Variants in KPNB1 observed in about 807,000 individuals in gnomAD.
KPNB1 encodes karyopherin subunit beta 1, also known as importin subunit beta-1.
KPNB1 carries 7 observed loss-of-function variants against 113.0 expected under a neutral mutation model. That is an observed-to-expected ratio of 0.06 (90% CI 0.04 to 0.12). The LOEUF (loss-of-function observed/expected upper bound fraction) is 0.12. Among genes scored for constraint, KPNB1 ranks in the 10% least tolerant of loss-of-function variants. The probability of loss-of-function intolerance (pLI) is 1.00; values close to 1 mark genes in which losing one functional copy is unlikely to be tolerated. For synonymous variants in KPNB1, 363 were observed against 378.6 expected (o/e 0.96, Z 0.48); for missense variants, 400 against 1,054.8 (o/e 0.38, Z 8.60).
chr17:47,665,432 A>C (rs1318919308), intron 9 of KPNB1, among the ~76,000 whole-genome samples: 1 of 152,200 alleles, frequency 6.6e-6, no homozygotes, highest in Non-Finnish European at 1.5e-5. Context: ...AAACTCATAA[A>C]AGAAAGGTGC....
chr17:47,657,397 A>G (rs1339405521), intron 4 of KPNB1, among the ~76,000 whole-genome samples: 1 of 152,172 alleles, frequency 6.6e-6, no homozygotes. Context: ...GTTGTGGCGC[A>G]TTTTCATTTA....
At position 47,668,204 on chromosome 17, in the gene KPNB1, G is replaced by A. The variant is rs1209595328; in HGVS notation, c.1018G>A (p.Asp340Asn). The change falls in exon 10 of 22, where the codon GAT becomes AAT. Residue 340 changes from aspartate to asparagine, a missense_variant. Transcript: ENST00000290158. ...LTKQDENDDDDDWNPCKAAGV... is the reference protein window; with the variant it reads ...LTKQDENDDDNDWNPCKAAGV... ...TCACCAGGACGAAAATGATGATGAC[G>A]ATGACTGGAACCCCTGCAAAGCAGC... 1.9e-6 allele frequency: 3 copies of A among 1,613,444 alleles called. No homozygotes were observed. Among genetic ancestry groups the A allele is most frequent in the Non-Finnish European group, 2.5e-6 (3 of 1,179,584 alleles).
chr17:47,663,241 C>T (rs1054071805), intron 7 of KPNB1, 63 bp downstream of exon 7: 74 of 856,448 alleles, frequency 8.6e-5, no homozygotes, highest in Middle Eastern at 2.2e-4. Flanking sequence ...CATCCTTAGT[C>T]GCTATTTTGC....
intron 2 of KPNB1, 143 bp downstream of exon 2, chr17:47,650,587 C>G (rs1915525874): frequency 4.0e-6 from 3 of 754,480 alleles, no homozygotes; most frequent in Admixed American, 4.6e-5. Flanking sequence ...CCCCCCAACC[C>G]GGTCCAACCT....
chr17:47,658,805 T>C, intron 5 of KPNB1, 145 bp downstream of exon 5: 3 of 670,316 alleles, frequency 4.5e-6, no homozygotes, highest in East Asian at 2.7e-5. Flanking sequence ...GTCGAGTTCG[T>C]ATTGTGTGAG....
At position 47,658,584 on chromosome 17, in the gene KPNB1, G is replaced by A. The variant is rs2029978261; in HGVS notation, c.560G>A (p.Ser187Asn). 1 of 1,613,964 alleles carries A rather than the reference G, an allele frequency of 6.2e-7. No individual in the cohort carries two copies. Among genetic ancestry groups the A allele is most frequent in the Non-Finnish European group, 8.5e-7 (1 of 1,180,010 alleles). Residue 187 changes from serine to asparagine, a missense_variant, in exon 5 of 22, where the codon AGT becomes AAT. Physicochemically the swap from Ser to Asn is conservative, Grantham distance 46 (BLOSUM62 1). This residue lies in a region of KPNB1 where 285 missense variants were observed against 627.0 expected (regional missense o/e 0.45). Transcript: ENST00000290158. ...IIQGMRKEEP[S>N]NNVKLAATNA... ...CAGGGGATGAGGAAAGAAGAGCCTA[G>A]TAATAATGTGAAGCTAGCTGCTACG...
At chr17:47,661,216 T>A in intron 6 of KPNB1, 38 bp downstream of exon 6, 1 of 1,465,972 alleles carries the variant, frequency 6.8e-7, no homozygotes, top group South Asian at 1.1e-5. Flanking sequence ...GTCTTACATC[T>A]TTCTTAGGAA....
At chr17:47,657,611 G>A (rs915553486) in intron 4 of KPNB1, among the ~76,000 whole-genome samples, 2 of 152,168 alleles carry the variant, frequency 1.3e-5, no homozygotes, top group Admixed American at 6.5e-5. Context: ...CCTAGGTGTC[G>A]ATCCTTGGCC....
At chr17:47,656,777 A>T in intron 3 of KPNB1, 83 bp from the exon 4 acceptor site, 4 of 1,311,294 alleles carry the variant, frequency 3.1e-6, no homozygotes, top group Non-Finnish European at 3.3e-6. Context: ...GAATTCAGAG[A>T]CACTAATATA....
intron 3 of KPNB1, 76 bp downstream of exon 3, chr17:47,652,952 A>G: frequency 1.7e-6 from 2 of 1,152,898 alleles, no homozygotes; most frequent in Non-Finnish European, 2.5e-6. Context: ...TGCTATTTGC[A>G]TGGGATAGAG....
At chr17:47,651,278 C>T (rs1210095600) in intron 2 of KPNB1, 2 of 985,128 alleles carry the variant, frequency 2.0e-6, no homozygotes, top group Non-Finnish European at 2.4e-6. Context: ...TTGGTTGAAA[C>T]AGCCTAGATG....
intron 21 of KPNB1, among the ~76,000 whole-genome samples, chr17:47,681,049 GTT>G (rs112270020): frequency 0.097 from 13,022 of 133,902 alleles, 589 homozygotes; most frequent in Middle Eastern, 0.21. Flanking sequence ...AAAGTCAAAT[GTT>G]TTTTTGTGTG....
Position 47,683,785 on chromosome 17 carries a change from A to G in KPNB1, c.*1381A>G, listed in dbSNP as rs2030868183. 6.6e-6 allele frequency: 1 copy of G among 152,582 alleles called. No individual in the cohort carries two copies. The highest frequency in any genetic ancestry group is 1.5e-5 in the Non-Finnish European group (1 of 68,026). 9.5% of individuals were successfully genotyped at this position (152,582 alleles called of 1,614,324 possible). On this transcript the variant is annotated 3_prime_UTR_variant, in exon 22 of 22. Coordinates refer to ENST00000290158, the MANE Select transcript of KPNB1 (RefSeq NM_002265.6). ...ACTAACTAGAAGTCTTGTGATGAAA[A>G]TGGCACTTGGAAAAGGTTTTATTTT...
chr17:47,652,329 TC>T (rs1915604034), intron 2 of KPNB1, among the ~76,000 whole-genome samples: 1 of 152,216 alleles, frequency 6.6e-6, no homozygotes. Flanking sequence ...TATTAAAAGT[TC>T]TTGGGACACC....
At position 47,652,790 on chromosome 17, in the gene KPNB1, A is replaced by G; in HGVS notation, c.196A>G (p.Thr66Ala). The G allele has an allele frequency of 6.2e-7, 1 of 1,612,792 alleles. No homozygotes were observed. Among genetic ancestry groups the G allele is most frequent in the African/African-American group, 1.3e-5 (1 of 74,994 alleles). Reference protein sequence around the residue: ...AAGLQIKNSLTSKDPDIKAQY... With the variant: ...AAGLQIKNSLASKDPDIKAQY... ...TGGTCTACAAATCAAGAACTCTTTGACATCTAAAGATCCAGATATCAAGGC... is the reference window on the plus strand; with the variant it reads ...TGGTCTACAAATCAAGAACTCTTTGGCATCTAAAGATCCAGATATCAAGGC... The change falls in exon 3 of 22, where the codon ACA becomes GCA. Residue 66 changes from threonine to alanine, a missense_variant. This residue lies in a region of KPNB1 where 285 missense variants were observed against 627.0 expected (regional missense o/e 0.45). Transcript: ENST00000290158.
At chr17:47,678,246 T>C in intron 18 of KPNB1, 57 bp downstream of exon 18, 2 of 1,611,466 alleles carry the variant, frequency 1.2e-6, no homozygotes, top group Non-Finnish European at 1.7e-6. Flanking sequence ...GGAGGGACTA[T>C]TGACAAACAT....
At chr17:47,680,242 T>C in intron 20 of KPNB1, 108 bp downstream of exon 20, 1 of 842,890 alleles carries the variant, frequency 1.2e-6, no homozygotes, top group South Asian at 1.5e-5. Flanking sequence ...GTTCACTTTT[T>C]TGGCACAGAG....
Position 47,669,596 on chromosome 17 carries a change from A to G in KPNB1, c.1225-82A>G, listed in dbSNP as rs2030391456. ...GTGACTTTTTTGAGTTAAGCCATCC[A>G]TCAGTATTTCTTTCTCTGGGGTAGT... On this transcript the variant is annotated intron_variant, in intron 10 of 21. Coordinates refer to ENST00000290158, the MANE Select transcript of KPNB1 (RefSeq NM_002265.6). 6 of 1,016,080 alleles carry G rather than the reference A, an allele frequency of 5.9e-6. No individual in the cohort carries two copies. The African/African-American group carries it at 6.3e-5, about 11-fold the overall frequency. The allele number at this position is 1,016,080 out of a possible 1,614,324, so 62.9% of individuals were successfully genotyped here. A position where few individuals can be genotyped will look rare whatever the true frequency, so the allele number is the denominator to read the frequency against.
At chr17:47,665,806 G>A (rs1038966125) in intron 9 of KPNB1, among the ~76,000 whole-genome samples, 1 of 152,156 alleles carries the variant, frequency 6.6e-6, no homozygotes, top group Non-Finnish European at 1.5e-5. Context: ...TTTTGATACG[G>A]TATTTGGGAA....
Sources: gnomAD v4.1 joint callset for allele counts (sites outside exome capture counted in the v4.1 genomes callset) on GRCh38, gnomAD v4.1.1 for gene constraint, gnomAD v4.1.1 regional missense constraint, MANE v1.5 for transcripts, NCBI Gene and HGNC (gene_info 2026-07-23, HGNC 2026-07-21) for gene names.